The following PTGR1 variants were observed in gnomAD, a reference collection of about 807,000 sequenced individuals.
The protein encoded by PTGR1 is prostaglandin reductase 1.
A neutral mutation model predicts 37.7 loss-of-function variants in PTGR1; 23 were observed. The observed-to-expected ratio is 0.61, with a 90% CI of 0.44 to 0.86. The LOEUF (loss-of-function observed/expected upper bound fraction) is 0.86, where lower values mean the gene tolerates loss of function less well. Among genes scored for constraint, PTGR1 ranks in the 40% least tolerant of loss-of-function variants. The pLI, the probability that PTGR1 is intolerant of heterozygous loss-of-function variation, is 0.00. For synonymous variants in PTGR1, 134 were observed against 140.0 expected, an observed-to-expected ratio of 0.96 and a Z score of 0.30; for missense variants, 351 against 394.3, an observed-to-expected ratio of 0.89 and a Z score of 0.93.
intron 2 of PTGR1, among the ~76,000 whole-genome samples, chr9:111,594,546 A>ATCC (rs528901452): frequency 0.12 from 15,630 of 126,626 alleles, 1,102 homozygotes; most frequent in African/African-American, 0.2. Flanking sequence ...CGTTTTTGGC[A>ATCC]TTCTTTTTTT....
chr9:111,578,804 A>C lies in PTGR1; in HGVS notation c.643T>G (p.Phe215Val). 6.2e-7 allele frequency: 1 copy of C among 1,602,916 alleles called. No individual in the cohort carries two copies. The highest frequency in any genetic ancestry group is 1.7e-4 in the Middle Eastern group (1 of 5,986). Residue 215 changes from phenylalanine (F) to valine (V), a missense_variant, in exon 7 of 10, where the codon TTT becomes GTT. Physicochemically the swap from Phe to Val is conservative, Grantham distance 50 (BLOSUM62 -1). Transcript: ENST00000407693. ...GTCCAGTTTGTACTTACATTATCAAAATAACAATCATAACCATCAGGAGAC... is the reference window on the plus strand; with the variant it reads ...GTCCAGTTTGTACTTACATTATCAACATAACAATCATAACCATCAGGAGAC... ...KASPDGYDCY[F>V]DNVGGEFSNT...
In PTGR1 at chr9:111,594,245, G is replaced by C. The variant is rs746266405; in HGVS notation, c.129C>G (p.Phe43Leu). Residue 43 changes from phenylalanine to leucine, a missense_variant, in exon 3 of 10, where the codon TTC becomes TTG. By Grantham distance (22) the Phe-to-Leu change is conservative (BLOSUM62 0). Transcript: ENST00000407693. ...ACCTCATGTAGGGATCCACGGTGAG[G>C]AACAAAGCTTCAAGCAGGACCTCTA... ...KNGEVLLEALFLTVDPYMRVA... is the reference protein window; with the variant it reads ...KNGEVLLEALLLTVDPYMRVA... The C allele has an allele frequency of 6.2e-7, 1 of 1,613,550 alleles. No individual in the cohort carries two copies. Among genetic ancestry groups the C allele is most frequent in the East Asian group, 2.2e-5 (1 of 44,880 alleles).
At chr9:111,561,552 A>G (rs1370545890), downstream of PTGR1, among the ~76,000 whole-genome samples, 1 of 152,186 alleles carries the variant, frequency 6.6e-6, no homozygotes, top group East Asian at 1.9e-4. Flanking sequence ...GTGAGCCACT[A>G]TGCCTGGCCC....
chr9:111,586,045 T>C lies in PTGR1; in HGVS notation c.330A>G (p.Pro110=). ...GAGCCAAAGACAGTGGTATTGTGTC[T>C]GGCCACTCTGTCAGCAGCTTTTCCA... ...KDLEKLLTEW[P]DTIPLSLALG... Residue 110 remains proline (P), a synonymous_variant, in exon 5 of 10, where the codon CCA becomes CCG. Transcript: ENST00000407693. 2 of 1,614,238 alleles carry C rather than the reference T, an allele frequency of 1.2e-6. No individual in the cohort carries two copies. The highest frequency in any genetic ancestry group is 8.5e-7 in the Non-Finnish European group (1 of 1,180,048).
At chr9:111,592,001 T>C (rs1219933585) in intron 4 of PTGR1, among the ~76,000 whole-genome samples, 1 of 152,126 alleles carries the variant, frequency 6.6e-6, no homozygotes, top group Non-Finnish European at 1.5e-5. Flanking sequence ...ATGCCAGAAA[T>C]GCAGATTTTC....
downstream of PTGR1, among the ~76,000 whole-genome samples, chr9:111,561,146 A>AG (rs1482847388): frequency 2.3e-5 from 1 of 44,368 alleles, no homozygotes; most frequent in Non-Finnish European, 4.1e-5. Context: ...GAGGAGAGAG[A>AG]GGGAGAGAGA....
chr9:111,592,213 G>C (rs1418507130), intron 4 of PTGR1: 1 of 152,178 alleles, frequency 6.6e-6, no homozygotes, highest in African/African-American at 2.4e-5. Flanking sequence ...TGTTTCTATG[G>C]ATTGTTTGTA....
chr9:111,574,635 C>G, intron 8 of PTGR1, 99 bp downstream of exon 8: 6 of 685,058 alleles, frequency 8.8e-6, no homozygotes, highest in Non-Finnish European at 1.4e-5. Context: ...ATATGAAAAT[C>G]TTTCTAATAA....
At chr9:111,570,015 T>A (rs777050135) in intron 9 of PTGR1, 76 bp downstream of exon 9, 1 of 1,593,192 alleles carries the variant, frequency 6.3e-7, no homozygotes, top group Non-Finnish European at 8.6e-7. Flanking sequence ...GAAGAATTGG[T>A]AGAACAAAAG....
downstream of PTGR1, among the ~76,000 whole-genome samples, chr9:111,561,084 A>AATATATATAT (rs368827456): frequency 1.5e-4 from 3 of 20,344 alleles, no homozygotes; most frequent in Non-Finnish European, 2.5e-4. Context: ...CTCCATCTAA[A>AATATATATAT]ATATATATAT....
At chr9:111,595,963 A>G (rs1387695178) in intron 2 of PTGR1, among the ~76,000 whole-genome samples, 1 of 152,132 alleles carries the variant, frequency 6.6e-6, no homozygotes, top group African/African-American at 2.4e-5. Flanking sequence ...AACTCTTCGT[A>G]TAGCTACTGG....
chr9:111,594,323 T>G (rs80212117), intron 2 of PTGR1, 56 bp from the exon 3 acceptor site: 10 of 1,474,142 alleles, frequency 6.8e-6, no homozygotes, highest in Non-Finnish European at 9.5e-6. Flanking sequence ...AGAGGAACAA[T>G]AGACACTGAG....
intron 4 of PTGR1, among the ~76,000 whole-genome samples, chr9:111,590,111 T>A (rs1044485586): frequency 6.6e-6 from 1 of 152,064 alleles, no homozygotes; most frequent in African/African-American, 2.4e-5. Context: ...ATCCTGAACA[T>A]ACGAGAAGCT....
intron 5 of PTGR1, among the ~76,000 whole-genome samples, chr9:111,584,469 G>A (rs138722448): frequency 3.9e-5 from 6 of 152,204 alleles, no homozygotes; most frequent in African/African-American, 1.4e-4. Context: ...CTTTCACAAT[G>A]ATGTCCTTGG....
At chr9:111,598,751 T>A (rs981076359) in intron 1 of PTGR1, among the ~76,000 whole-genome samples, 1 of 152,172 alleles carries the variant, frequency 6.6e-6, no homozygotes, top group Non-Finnish European at 1.5e-5. Flanking sequence ...CGCCTCGACC[T>A]TCCATAGTGC....
At chr9:111,560,745 C>G (rs1178960546), downstream of PTGR1, among the ~76,000 whole-genome samples, 4 of 148,698 alleles carry the variant, frequency 2.7e-5, no homozygotes, top group Non-Finnish European at 5.9e-5. Context: ...AGTTCGAGAC[C>G]AGCCTGACCA....
chr9:111,586,157 T>C lies in PTGR1; in HGVS notation c.218A>G (p.Glu73Gly), dbSNP rs565921966. ...TTTTGGTAGGGCTACATTTTTACTT[T>C]CCACAACTCTGAAAGATAAAGCACA... ...MMGQQVAKVV[E>G]SKNVALPKGT... Residue 73 changes from glutamate (E) to glycine (G), a missense_variant, in exon 5 of 10, where the codon GAA (glutamate) becomes GGA (glycine). Transcript: ENST00000407693. The C allele has an allele frequency of 1.5e-5, 25 of 1,613,990 alleles. 1 individual carries two copies. In the African/African-American group the frequency reaches 1.9e-4, roughly 12 times the overall value.
At position 111,579,551 on chromosome 9, in the gene PTGR1, C is replaced by T. The variant is rs115549548; in HGVS notation, c.496-600G>A. On this transcript the variant is annotated intron_variant, in intron 6 of 9. Transcript: ENST00000407693. ...CTGGGACCACAGGTGCATACCACTACATCTGGCCTTATATTTTTTAAATTT... is the reference window on the plus strand; with the variant it reads ...CTGGGACCACAGGTGCATACCACTATATCTGGCCTTATATTTTTTAAATTT... Among the ~76,000 whole-genome samples, 1,321 of 152,174 alleles carry T rather than the reference C, an allele frequency of 8.7e-3. 22 individuals are homozygous for T. The highest frequency in any genetic ancestry group is 0.03 in the African/African-American group (1,260 of 41,508).
chr9:111,594,106 G>A (rs1829704648), intron 3 of PTGR1, 116 bp downstream of exon 3: 3 of 1,105,756 alleles, frequency 2.7e-6, no homozygotes, highest in South Asian at 1.3e-5. Context: ...TACTGGCTGG[G>A]AGAAACAGAA....
Sources: gnomAD v4.1 joint callset for allele counts (sites outside exome capture counted in the v4.1 genomes callset) on GRCh38, gnomAD v4.1.1 for gene constraint, MANE v1.5 for transcripts, NCBI Gene and HGNC (gene_info 2026-07-23, HGNC 2026-07-21) for gene names.